The following SNX29 variants were observed in gnomAD, a reference collection of about 807,000 sequenced individuals.
The protein encoded by SNX29 is sorting nexin-29.
SNX29 carries 78 observed loss-of-function variants against 102.1 expected under a neutral mutation model. The observed-to-expected ratio is 0.76, with a 90% CI of 0.64 to 0.92. SNX29 has a LOEUF of 0.92. Among genes scored for constraint, SNX29 ranks in the 40% least tolerant of loss-of-function variants. The pLI, the probability that SNX29 is intolerant of heterozygous loss-of-function variation, is 0.00. For missense variants in SNX29, 1,280 were observed against 1,061.7 expected (o/e 1.21, Z -2.86); for synonymous variants, 580 against 414.5 (o/e 1.40, Z -4.85).
At chr16:12,024,917 C>T (rs1169975350) in intron 3 of SNX29, among the ~76,000 whole-genome samples, 1 of 152,046 alleles carries the variant, frequency 6.6e-6, no homozygotes, top group Non-Finnish European at 1.5e-5. Flanking sequence ...GACCCCTGAT[C>T]TAGGTCATTG....
At chr16:12,178,178 C>CGGATA (rs2076302609) in intron 13 of SNX29, among the ~76,000 whole-genome samples, 1 of 152,134 alleles carries the variant, frequency 6.6e-6, no homozygotes, top group Admixed American at 6.5e-5. Flanking sequence ...GGGGACAAGA[C>CGGATA]GCACAGGGAC....
intron 16 of SNX29, among the ~76,000 whole-genome samples, chr16:12,359,812 C>T (rs139482500): frequency 6.6e-6 from 1 of 152,078 alleles, no homozygotes; most frequent in Non-Finnish European, 1.5e-5. Flanking sequence ...CATTATCACA[C>T]CTATTTTTAT....
intron 6 of SNX29, among the ~76,000 whole-genome samples, chr16:12,046,774 C>G (rs1303119923): frequency 6.6e-6 from 1 of 152,174 alleles, no homozygotes; most frequent in African/African-American, 2.4e-5. Flanking sequence ...CGCCTGCCAC[C>G]ATGACCAGCT....
intron 13 of SNX29, among the ~76,000 whole-genome samples, chr16:12,183,881 C>A (rs2076450396): frequency 6.6e-6 from 1 of 152,220 alleles, no homozygotes; most frequent in South Asian, 2.1e-4. Context: ...TGCTATGTGA[C>A]AGTCCACTAG....
intron 11 of SNX29, among the ~76,000 whole-genome samples, chr16:12,121,687 C>T (rs977078958): frequency 2.0e-5 from 3 of 152,238 alleles, no homozygotes; most frequent in East Asian, 3.9e-4. Flanking sequence ...CTTGTGGCTG[C>T]ATCTGCATTT....
intron 20 of SNX29, chr16:12,546,520 C>G (rs936906027): frequency 6.6e-6 from 1 of 152,216 alleles, no homozygotes; most frequent in South Asian, 2.1e-4. Flanking sequence ...ATTCAATTAT[C>G]TCCCAATGGG....
chr16:12,296,170 G>A (rs146667433), intron 15 of SNX29, among the ~76,000 whole-genome samples: 2 of 152,194 alleles, frequency 1.3e-5, no homozygotes, highest in East Asian at 3.9e-4. Flanking sequence ...GGAGGAGAGG[G>A]AGATAACAGA....
At chr16:12,539,548 T>G (rs1375783207) in intron 20 of SNX29, among the ~76,000 whole-genome samples, 2 of 152,334 alleles carry the variant, frequency 1.3e-5, no homozygotes, top group South Asian at 4.1e-4. Flanking sequence ...AGTGGAAACA[T>G]TCAAGTGCAG....
chr16:12,347,515 T>A (rs1567462885), intron 15 of SNX29, among the ~76,000 whole-genome samples: 1 of 152,188 alleles, frequency 6.6e-6, no homozygotes, highest in Non-Finnish European at 1.5e-5. Flanking sequence ...CCTTCCAGAC[T>A]GCATGACTTG....
intron 8 of SNX29, among the ~76,000 whole-genome samples, chr16:12,055,528 G>C (rs1049113278): frequency 6.6e-6 from 1 of 152,010 alleles, no homozygotes; most frequent in Non-Finnish European, 1.5e-5. Flanking sequence ...ACCACGCCTG[G>C]TCTTATCTTG....
In SNX29 at chr16:12,446,023, C is replaced by T. The variant is rs543815207; in HGVS notation, c.2038-31696C>T. Among the ~76,000 whole-genome samples the T allele has an allele frequency of 3.1e-4, 47 of 150,868 alleles. No individual in the cohort carries two copies. In the South Asian group the frequency reaches 9.4e-3, roughly 30 times the overall value. The stretch of plus-strand genomic sequence containing the variant: ...TGCTTCCATGCAGCTCCTGGACGTG[C>T]AGTTGAAACAGTAGCTTCTCATTCT... On this transcript the variant is annotated intron_variant, in intron 18 of 20. Coordinates refer to ENST00000566228, the MANE Select transcript of SNX29 (RefSeq NM_032167.5).
intron 15 of SNX29, among the ~76,000 whole-genome samples, chr16:12,318,221 T>C (rs901563945): frequency 1.3e-5 from 2 of 152,224 alleles, no homozygotes; most frequent in African/African-American, 4.8e-5. Flanking sequence ...CCTGGGAGCC[T>C]GCATGTTCTT....
chr16:12,032,697 A>G (rs190885361), intron 4 of SNX29, among the ~76,000 whole-genome samples: 1 of 152,030 alleles, frequency 6.6e-6, no homozygotes, highest in Admixed American at 6.6e-5. Flanking sequence ...CAGAAGGACA[A>G]TGTTGGATCA....
Position 12,194,622 on chromosome 16 carries a change from G to GT in SNX29, c.1596-4959dup, listed in dbSNP as rs34250906. On this transcript the variant is annotated intron_variant, in intron 13 of 20. Coordinates refer to ENST00000566228, the MANE Select transcript of SNX29 (RefSeq NM_032167.5). ...TTACTATAGGATTTGGGGGTGGGTA[G>GT]TTTTTTTTTTTTTTTTTTTTAAGAA... Among the ~76,000 whole-genome samples, 844 of 129,120 alleles carry GT rather than the reference G, an allele frequency of 6.5e-3. 11 individuals are homozygous for GT. Among genetic ancestry groups the GT allele is most frequent in the African/African-American group, 0.016 (575 of 34,956 alleles). 84.7% of individuals were successfully genotyped at this position (129,120 alleles called of 152,430 possible). A position where few individuals can be genotyped will look rare whatever the true frequency, so the allele number is the denominator to read the frequency against.
chr16:12,321,772 A>G (rs1247085262), intron 15 of SNX29, among the ~76,000 whole-genome samples: 1 of 152,148 alleles, frequency 6.6e-6, no homozygotes, highest in Non-Finnish European at 1.5e-5. Flanking sequence ...AGAGTCATAG[A>G]TCTAGTTCTC....
At chr16:12,297,650 T>C (rs1232335200) in intron 15 of SNX29, among the ~76,000 whole-genome samples, 1 of 152,184 alleles carries the variant, frequency 6.6e-6, no homozygotes, top group African/African-American at 2.4e-5. Context: ...TTTAATTGCA[T>C]TCGTCATAAC....
At chr16:12,265,585 G>A (rs753357643) in intron 14 of SNX29, among the ~76,000 whole-genome samples, 7 of 151,772 alleles carry the variant, frequency 4.6e-5, no homozygotes, top group Non-Finnish European at 1.0e-4. Flanking sequence ...CGTCGGCCAG[G>A]CACAGTGGCT....
chr16:12,416,711 G>A (rs187957172), intron 18 of SNX29, among the ~76,000 whole-genome samples: 1 of 152,162 alleles, frequency 6.6e-6, no homozygotes, highest in Admixed American at 6.5e-5. Flanking sequence ...GGGGGAGCAG[G>A]CATGTCACAT....
intron 13 of SNX29, among the ~76,000 whole-genome samples, chr16:12,157,860 T>A (rs1303419176): frequency 3.3e-5 from 5 of 152,228 alleles, no homozygotes; most frequent in African/African-American, 1.2e-4. Context: ...TGTCTCCGTC[T>A]GCCCGAGGGC....
Sources: allele counts gnomAD v4.1 joint callset (sites outside exome capture counted in the v4.1 genomes callset), GRCh38; gene constraint gnomAD v4.1.1; transcripts MANE v1.5; gene names NCBI Gene and HGNC (gene_info 2026-07-23, HGNC 2026-07-21).